WNK3: variants seen among roughly 807,000 people sequenced by gnomAD.
WNK3 encodes WNK lysine deficient protein kinase 3.
WNK3 carries 18 observed loss-of-function variants against 116.7 expected under a neutral mutation model. The ratio of observed to expected loss-of-function variants is 0.15; its 90% CI spans 0.11 to 0.23. The LOEUF (loss-of-function observed/expected upper bound fraction) is 0.23, where lower values mean the gene tolerates loss of function less well. Among genes scored for constraint, WNK3 ranks in the 10% least tolerant of loss-of-function variants. The probability of loss-of-function intolerance (pLI) is 1.00; values close to 1 mark genes in which losing one functional copy is unlikely to be tolerated. For missense variants in WNK3, 993 were observed against 1,323.8 expected (o/e 0.75, Z 3.88); for synonymous variants, 404 against 469.4 (o/e 0.86, Z 1.80).
At chrX:54,279,678 T>G (rs2068492752) in intron 10 of WNK3, among the ~76,000 whole-genome samples, 1 of 112,266 alleles carries the variant, frequency 8.9e-6, no homozygotes, top group Non-Finnish European at 1.9e-5. Context: ...GAATTCAGAA[T>G]GTAAATTAAA....
intron 21 of WNK3, among the ~76,000 whole-genome samples, chrX:54,229,492 T>G (rs1267225257): frequency 1.8e-5 from 2 of 110,664 alleles, no homozygotes; most frequent in African/African-American, 3.3e-5. Flanking sequence ...CAGGATTTTT[T>G]TAGATATAGT....
At chrX:54,304,885 C>T (rs1315254726) in intron 5 of WNK3, among the ~76,000 whole-genome samples, 4 of 111,233 alleles carry the variant, frequency 3.6e-5, no homozygotes, top group Non-Finnish European at 5.7e-5. Flanking sequence ...ACCTGTAATC[C>T]CAGTACTTTG....
chrX:54,252,310 A>G (rs1332577324), intron 13 of WNK3, among the ~76,000 whole-genome samples: 1 of 111,004 alleles, frequency 9.0e-6, no homozygotes, highest in Non-Finnish European at 1.9e-5. Context: ...AACTGAGGCA[A>G]TGTTTAAAAC....
chrX:54,214,778 T>C (rs945295948), intron 22 of WNK3, among the ~76,000 whole-genome samples: 2 of 111,053 alleles, frequency 1.8e-5, no homozygotes, highest in Non-Finnish European at 3.8e-5. Context: ...TTTGGGAGGC[T>C]GAGGTGGGCG....
intron 10 of WNK3, among the ~76,000 whole-genome samples, chrX:54,267,285 G>A (rs782477314): frequency 2.4e-4 from 26 of 110,178 alleles, no homozygotes; most frequent in African/African-American, 8.2e-4. Flanking sequence ...CTTGGCTGGT[G>A]TCAAACTTCT....
exon 17 of WNK3, chrX:54,249,338 C>G (rs782226120): frequency 2.5e-6 from 3 of 1,212,078 alleles, no homozygotes; most frequent in East Asian, 5.9e-5. Flanking sequence ...CATGGATACA[C>G]AGGTATGAAT....
chrX:54,314,197 A>C (rs1393535511), intron 2 of WNK3, among the ~76,000 whole-genome samples: 5 of 107,341 alleles, frequency 4.7e-5, no homozygotes, highest in Non-Finnish European at 7.7e-5. Context: ...TGTCTCAAAA[A>C]AAAAAACAAA....
At chrX:54,294,312 AAC>A (rs2068672938) in intron 8 of WNK3, among the ~76,000 whole-genome samples, 1 of 112,251 alleles carries the variant, frequency 8.9e-6, no homozygotes, top group Admixed American at 9.5e-5. Flanking sequence ...CACTTAACAA[AAC>A]AGTTTCTTAA....
At position 54,294,823 on chromosome X, in the gene WNK3, T is replaced by C. The variant is rs782126477; in HGVS notation, c.1423A>G (p.Ser475Gly). The change falls in exon 8 of 24, where the codon AGT becomes GGT. Residue 475 changes from serine (S) to glycine (G), a missense_variant. Physicochemically the swap from Ser to Gly is moderately conservative, Grantham distance 56. Transcript: ENST00000354646. ...GATTTAGCAACAGCTTTGGAATCAC[T>C]TTCATGGAAGAACCCAGACTTGACC... The C allele has an allele frequency of 4.2e-6, 5 of 1,195,364 alleles. No individual in the cohort carries two copies. In the Admixed American group the frequency reaches 1.1e-4, roughly 27 times the overall value.
chrX:54,227,345 T>C (rs1402968290), intron 22 of WNK3, among the ~76,000 whole-genome samples: 1 of 112,240 alleles, frequency 8.9e-6, no homozygotes, highest in Non-Finnish European at 1.9e-5. Context: ...TTACAGAACA[T>C]CTTTTCATGT....
intron 5 of WNK3, among the ~76,000 whole-genome samples, chrX:54,307,659 G>C (rs1424294072): frequency 2.7e-5 from 3 of 111,277 alleles, no homozygotes; most frequent in Non-Finnish European, 3.8e-5. Flanking sequence ...CCATCTAATA[G>C]ATAACTAAAA....
chrX:54,279,426 T>C (rs2068489615), intron 10 of WNK3, among the ~76,000 whole-genome samples: 1 of 110,786 alleles, frequency 9.0e-6, no homozygotes, highest in Non-Finnish European at 1.9e-5. Flanking sequence ...TAGCCAGGTG[T>C]GGTGGTGCAT....
At chrX:54,249,525 C>A in exon 17 of WNK3, 2 of 1,211,763 alleles carry the variant, frequency 1.7e-6, no homozygotes, top group Non-Finnish European at 2.2e-6. Flanking sequence ...TACCATCAAC[C>A]ACATCCTTGT....
exon 17 of WNK3, chrX:54,249,324 G>A: frequency 8.3e-7 from 1 of 1,212,106 alleles, no homozygotes. Context: ...TGGCAGTTTG[G>A]TGACATGGAT....
Position 54,228,709 on chromosome X carries a change from C to T in WNK3, c.4870+5G>A. 1 of 484,405 alleles carries T rather than the reference C, an allele frequency of 2.1e-6. No homozygotes were observed. Among genetic ancestry groups the T allele is most frequent in the Non-Finnish European group, 3.7e-6 (1 of 267,429 alleles). The allele number at this position is 484,405 out of a possible 1,213,427, so 39.9% of individuals were successfully genotyped here. ...TAAAAGTAAAGAAGCAAAAGAAATA[C>T]TTACTTTCCAACTCATTTATAAGGC... is the stretch of plus-strand genomic sequence containing the variant. On this transcript the variant is annotated splice_donor_5th_base_variant and intron_variant, in intron 22 of 23. Transcript: ENST00000354646.
intron 20 of WNK3, among the ~76,000 whole-genome samples, chrX:54,235,443 C>T (rs982479623): frequency 6.3e-5 from 7 of 111,373 alleles, no homozygotes; most frequent in Non-Finnish European, 5.7e-5. Flanking sequence ...CGCGCCACCA[C>T]GTCTGGCTAA....
intron 2 of WNK3, among the ~76,000 whole-genome samples, chrX:54,320,534 T>A (rs2069017472): frequency 8.9e-6 from 1 of 112,006 alleles, no homozygotes; most frequent in Non-Finnish European, 1.9e-5. Flanking sequence ...TTTTTTCTTT[T>A]TAGAGAGACA....
intron 10 of WNK3, among the ~76,000 whole-genome samples, chrX:54,281,501 CAACTA>C (rs1177259559): frequency 9.9e-5 from 11 of 110,882 alleles, no homozygotes. Context: ...AATTTTTTTT[CAACTA>C]AATAATACAT....
At chrX:54,209,237 C>T (rs929523755) in intron 22 of WNK3, among the ~76,000 whole-genome samples, 1 of 109,470 alleles carries the variant, frequency 9.1e-6, no homozygotes, top group Non-Finnish European at 1.9e-5. Flanking sequence ...TAACTACACA[C>T]ATACATTGTG....
Sources: gnomAD v4.1 joint callset for allele counts (sites outside exome capture counted in the v4.1 genomes callset) on GRCh38, gnomAD v4.1.1 for gene constraint, MANE v1.5 for transcripts, NCBI Gene and HGNC (gene_info 2026-07-23, HGNC 2026-07-21) for gene names.